FAM227B: variants seen among roughly 807,000 people sequenced by gnomAD.
FAM227B encodes family with sequence similarity 227 member B, also known as protein FAM227B.
Under a neutral mutation model 73.8 loss-of-function variants are expected in FAM227B, and 88 were observed. The observed-to-expected ratio is 1.19, with a 90% CI of 1.00 to 1.42. The LOEUF (loss-of-function observed/expected upper bound fraction) is 1.42. FAM227B is among the 40% of genes most tolerant of loss of function. The pLI is 0.00. For synonymous variants in FAM227B, 210 were observed against 190.5 expected, an observed-to-expected ratio of 1.10 and a Z score of -0.84; for missense variants, 632 against 590.9, an observed-to-expected ratio of 1.07 and a Z score of -0.72.
At chr15:49,344,459 T>C (rs1362511260) in intron 13 of FAM227B, among the ~76,000 whole-genome samples, 1 of 152,198 alleles carries the variant, frequency 6.6e-6, no homozygotes, top group Non-Finnish European at 1.5e-5. Context: ...GTACTAACTT[T>C]ATTGTGTTTC....
intron 11 of FAM227B, among the ~76,000 whole-genome samples, chr15:49,405,553 C>A (rs1474060331): frequency 6.6e-6 from 1 of 152,136 alleles, no homozygotes; most frequent in African/African-American, 2.4e-5. Context: ...CTGTTATTAA[C>A]ACTTGTGATC....
rs1350378381 is a variant in FAM227B, at chr15:49,367,599, T to A, written c.1120A>T (p.Ser374Cys). 2 of 1,570,074 alleles carry A rather than the reference T, an allele frequency of 1.3e-6. No individual in the cohort carries two copies. The highest frequency in any genetic ancestry group is 1.7e-4 in the Middle Eastern group (1 of 5,994). ...CGATTAAACTCTGGACCAGTACTAC[T>A]ATAGTGCGACTGTAAGAGGAAGAAA... ...LSRLATKSHYSSTGPEFNRVL... is the reference protein window; with the variant it reads ...LSRLATKSHYCSTGPEFNRVL... The change falls in exon 13 of 16, where the codon AGT (serine) becomes TGT (cysteine). Residue 374 changes from serine (S) to cysteine (C), a missense_variant. Transcript: ENST00000299338.
chr15:49,561,738 C>T lies in FAM227B; in HGVS notation c.747+6507G>A, dbSNP rs144350981. 9.7e-4 allele frequency among the ~76,000 whole-genome samples: 147 copies of T among 152,216 alleles called. 1 individual carries two copies. The East Asian group carries it at 0.026, about 27-fold the overall frequency. On this transcript the variant is annotated intron_variant, in intron 9 of 15. Transcript: ENST00000299338. ...TCACATGAAAATTACACAACTTGCT[C>T]CTAAATAGTTTTTTGGTAAACAACT...
Position 49,369,186 on chromosome 15 carries a change from T to C in FAM227B, c.1111-1578A>G, listed in dbSNP as rs146598497. 6.4e-3 allele frequency among the ~76,000 whole-genome samples: 977 copies of C among 152,180 alleles called. 17 individuals are homozygous for C. Among genetic ancestry groups the C allele is most frequent in the African/African-American group, 0.023 (940 of 41,490 alleles). ...GTTAGCCAGGATGGTTTTGATCTCC[T>C]GACCTCGAGATCCGCCCACCTCGGC... On this transcript the variant is annotated intron_variant, in intron 12 of 15. Coordinates refer to ENST00000299338, the MANE Select transcript of FAM227B (RefSeq NM_152647.3).
At chr15:49,336,288 T>C (rs1050080208) in intron 13 of FAM227B, among the ~76,000 whole-genome samples, 3 of 152,232 alleles carry the variant, frequency 2.0e-5, no homozygotes, top group Non-Finnish European at 4.4e-5. Flanking sequence ...GTCCTGTCTG[T>C]TTCTGGTGCA....
intron 10 of FAM227B, among the ~76,000 whole-genome samples, chr15:49,512,563 A>C (rs1191881882): frequency 6.6e-6 from 1 of 151,932 alleles, no homozygotes; most frequent in Non-Finnish European, 1.5e-5. Context: ...GTGCCTATTC[A>C]AATATTTATT....
chr15:49,571,441 A>G (rs1389908127), intron 8 of FAM227B, among the ~76,000 whole-genome samples: 1 of 151,910 alleles, frequency 6.6e-6, no homozygotes, highest in African/African-American at 2.4e-5. Flanking sequence ...AACCAACGTC[A>G]TGGAGCTTTT....
chr15:49,570,474 C>T (rs920546772), intron 8 of FAM227B, among the ~76,000 whole-genome samples: 9 of 151,748 alleles, frequency 5.9e-5, no homozygotes, highest in African/African-American at 2.2e-4. Context: ...TGTTTAGAGC[C>T]TCTGCCCATT....
intron 5 of FAM227B, 138 bp downstream of exon 5, chr15:49,587,878 A>T: frequency 1.4e-6 from 1 of 722,504 alleles, no homozygotes; most frequent in Non-Finnish European, 1.9e-6. Context: ...CTATCTTTAA[A>T]ACATAGAGAT....
intron 8 of FAM227B, among the ~76,000 whole-genome samples, chr15:49,572,621 C>A (rs2075184172): frequency 6.6e-6 from 1 of 152,104 alleles, no homozygotes; most frequent in Admixed American, 6.6e-5. Context: ...TCATACCAAA[C>A]AACCCACAAT....
intron 3 of FAM227B, among the ~76,000 whole-genome samples, chr15:49,604,709 A>C (rs1157459991): frequency 6.6e-6 from 1 of 151,822 alleles, no homozygotes; most frequent in African/African-American, 2.4e-5. Flanking sequence ...ACAATGTCCC[A>C]TGTCTCATAG....
chr15:49,420,864 C>T (rs1192017209), intron 11 of FAM227B, among the ~76,000 whole-genome samples: 1 of 152,082 alleles, frequency 6.6e-6, no homozygotes. Flanking sequence ...CGCTACCATG[C>T]CCGGCTAATT....
At chr15:49,560,996 A>T (rs2074209038) in intron 9 of FAM227B, among the ~76,000 whole-genome samples, 1 of 152,200 alleles carries the variant, frequency 6.6e-6, no homozygotes, top group South Asian at 2.1e-4. Flanking sequence ...ATAAGCTAAG[A>T]ACTTTACAAT....
intron 9 of FAM227B, among the ~76,000 whole-genome samples, chr15:49,552,361 G>A (rs985828002): frequency 1.4e-5 from 2 of 145,560 alleles, no homozygotes; most frequent in Non-Finnish European, 3.0e-5. Flanking sequence ...AGATGTACTG[G>A]AGCATTATTG....
chr15:49,480,304 T>C (rs1040914697), intron 11 of FAM227B, among the ~76,000 whole-genome samples: 22 of 152,102 alleles, frequency 1.4e-4, no homozygotes, highest in African/African-American at 5.1e-4. Context: ...ACCTTATTTT[T>C]ATTTATTTAT....
chr15:49,371,234 C>G (rs1309400441), intron 12 of FAM227B, 68 bp downstream of exon 12: 5 of 897,116 alleles, frequency 5.6e-6, no homozygotes, highest in Non-Finnish European at 9.1e-6. Context: ...ATGTACAGCA[C>G]AGTCAATTGC....
At chr15:49,455,327 G>A (rs1334359700) in intron 11 of FAM227B, among the ~76,000 whole-genome samples, 1 of 152,198 alleles carries the variant, frequency 6.6e-6, no homozygotes, top group East Asian at 1.9e-4. Flanking sequence ...TGAAAATCAA[G>A]GTCAATCTGT....
intron 13 of FAM227B, among the ~76,000 whole-genome samples, chr15:49,335,939 A>G (rs1287101956): frequency 6.6e-6 from 1 of 152,076 alleles, no homozygotes; most frequent in African/African-American, 2.4e-5. Context: ...TGTGACCTCA[A>G]ACTCCTGGGC....
chr15:49,332,270 C>T (rs1405378515), intron 14 of FAM227B, among the ~76,000 whole-genome samples: 1 of 152,184 alleles, frequency 6.6e-6, no homozygotes, highest in East Asian at 1.9e-4. Context: ...TAACTGATTC[C>T]ACTCATAAGG....
Sources: allele counts gnomAD v4.1 joint callset (sites outside exome capture counted in the v4.1 genomes callset), GRCh38; gene constraint gnomAD v4.1.1; transcripts MANE v1.5; gene names NCBI Gene and HGNC (gene_info 2026-07-23, HGNC 2026-07-21).